The following NPAT variants were observed in gnomAD, a reference collection of about 807,000 sequenced individuals.
NPAT encodes nuclear protein, coactivator of histone transcription.
Under a neutral mutation model 130.7 loss-of-function variants are expected in NPAT, and 52 were observed. The observed-to-expected ratio is 0.40, with a 90% CI of 0.32 to 0.50. The LOEUF (loss-of-function observed/expected upper bound fraction) is 0.50. NPAT is among the 20% of genes least tolerant of loss of function. The pLI is 0.68. For synonymous variants in NPAT, 580 were observed against 584.8 expected, an observed-to-expected ratio of 0.99 and a Z score of 0.12; for missense variants, 1,687 against 1,662.6, an observed-to-expected ratio of 1.01 and a Z score of -0.26.
At chr11:108,191,681 A>T (rs1360840297) in intron 4 of NPAT, among the ~76,000 whole-genome samples, 2 of 152,242 alleles carry the variant, frequency 1.3e-5, no homozygotes, top group African/African-American at 4.8e-5. Context: ...AGATTTTCAT[A>T]AAATTGATAA....
chr11:108,218,514 C>A (rs1252221827), intron 1 of NPAT, among the ~76,000 whole-genome samples: 1 of 152,124 alleles, frequency 6.6e-6, no homozygotes, highest in Non-Finnish European at 1.5e-5. Context: ...CTTATGTTGT[C>A]TTATATTACT....
chr11:108,195,744 C>T (rs2078213500), intron 2 of NPAT, among the ~76,000 whole-genome samples: 2 of 152,168 alleles, frequency 1.3e-5, no homozygotes, highest in African/African-American at 4.8e-5. Flanking sequence ...CCTCCAGCCT[C>T]ATCCTCCCAA....
rs771364623 is a variant in NPAT at position 108,172,350 on chromosome 11, T to C, written c.2634A>G (p.Leu878=). The C allele has an allele frequency of 1.9e-6, 3 of 1,614,230 alleles. No homozygotes were observed. Among genetic ancestry groups the C allele is most frequent in the Admixed American group, 1.7e-5 (1 of 60,022 alleles). The change falls in exon 13 of 18, where the codon TTA becomes TTG. Residue 878 remains leucine, a synonymous_variant. Transcript: ENST00000278612. The stretch of plus-strand genomic sequence containing the variant: ...CATTAGACTGACTTACAGATGTTCC[T>C]AACGCTGTTGGATCAGTCACACAGG... ...IATCVTDPTA[L]GTSVSQSNVV... is the part of the protein sequence containing the mutation.
At chr11:108,183,390 C>T (rs982571362) in intron 10 of NPAT, among the ~76,000 whole-genome samples, 1 of 152,132 alleles carries the variant, frequency 6.6e-6, no homozygotes, top group African/African-American at 2.4e-5. Flanking sequence ...ACTCAGAATT[C>T]AATTGAAAGA....
Position 108,169,786 on chromosome 11 carries a change from T to A in NPAT, c.2968A>T (p.Lys990Ter), listed in dbSNP as rs2077932908. 1 of 1,613,890 alleles carries A rather than the reference T, an allele frequency of 6.2e-7. No homozygotes were observed. The highest frequency in any genetic ancestry group is 8.5e-7 in the Non-Finnish European group (1 of 1,179,884). Reference sequence around the variant, plus strand: ...CTTAGTCCCTGAGCCTTCTGAGATTTTGGAGGGACGGGGAATTGAGGGATA... The same window carrying A: ...CTTAGTCCCTGAGCCTTCTGAGATTATGGAGGGACGGGGAATTGAGGGATA... ...RSIPQFPVPP[K>*]SQKAQGLRNK... is the part of the protein sequence containing the mutation. The change falls in exon 15 of 18, where the codon AAA (lysine) becomes TAA (stop). Residue 990 changes from lysine to a stop codon, truncating the protein, a stop_gained. Transcript: ENST00000278612. LOFTEE classifies it high-confidence loss of function.
At chr11:108,205,775 GC>G (rs1334615528) in intron 1 of NPAT, among the ~76,000 whole-genome samples, 2 of 152,180 alleles carry the variant, frequency 1.3e-5, no homozygotes, top group African/African-American at 4.8e-5. Context: ...AGGTGCAGTG[GC>G]TCATGCCTGT....
At chr11:108,220,003 T>C (rs940458133) in intron 1 of NPAT, among the ~76,000 whole-genome samples, 2 of 152,200 alleles carry the variant, frequency 1.3e-5, no homozygotes, top group African/African-American at 2.4e-5. Flanking sequence ...GTAGAATACA[T>C]ACAAGAATTT....
At chr11:108,192,931 G>A (rs915982499) in intron 3 of NPAT, among the ~76,000 whole-genome samples, 3 of 151,708 alleles carry the variant, frequency 2.0e-5, no homozygotes, top group African/African-American at 4.8e-5. Flanking sequence ...TCCAGCCTGG[G>A]CAACAGAGCG....
chr11:108,163,144 A>C (rs1028271944), intron 15 of NPAT, among the ~76,000 whole-genome samples: 1 of 151,948 alleles, frequency 6.6e-6, no homozygotes, highest in Non-Finnish European at 1.5e-5. Flanking sequence ...CAATGGCATG[A>C]TCTTGGCTCA....
intron 12 of NPAT, among the ~76,000 whole-genome samples, chr11:108,174,722 C>T (rs2077988251): frequency 6.7e-6 from 1 of 150,182 alleles, no homozygotes; most frequent in African/African-American, 2.5e-5. Context: ...TCATGTGATT[C>T]TCCTGCCTCA....
At position 108,161,304 on chromosome 11, in the gene NPAT, T is replaced by A. The variant is rs1160728115; in HGVS notation, c.3782A>T (p.Asp1261Val). Residue 1261 changes from aspartate to valine, a missense_variant, in exon 17 of 18, where the codon GAT becomes GTT. Transcript: ENST00000278612. ...CCGGGGCACAGGTAAATCACTACTATCAGCAAGCCTACTTACTGAGCTGTG... is the reference window on the plus strand; with the variant it reads ...CCGGGGCACAGGTAAATCACTACTAACAGCAAGCCTACTTACTGAGCTGTG... Reference protein sequence around the residue: ...QRHSSVSRLADSSDLPVPRTP... With the variant: ...QRHSSVSRLAVSSDLPVPRTP... The A allele has an allele frequency of 6.2e-7, 1 of 1,614,204 alleles. No individual in the cohort carries two copies. Among genetic ancestry groups the A allele is most frequent in the Non-Finnish European group, 8.5e-7 (1 of 1,180,034 alleles).
chr11:108,219,969 A>T (rs565977064), intron 1 of NPAT, among the ~76,000 whole-genome samples: 1 of 152,366 alleles, frequency 6.6e-6, no homozygotes, highest in East Asian at 1.9e-4. Context: ...CTTGAATAGA[A>T]GTGTACTAGG....
intron 1 of NPAT, among the ~76,000 whole-genome samples, chr11:108,202,942 C>T (rs2078287989): frequency 6.6e-6 from 1 of 152,190 alleles, no homozygotes; most frequent in African/African-American, 2.4e-5. Flanking sequence ...TGATAATGGG[C>T]CTTACTTCAA....
At chr11:108,218,252 G>A (rs937012341) in intron 1 of NPAT, among the ~76,000 whole-genome samples, 1 of 151,952 alleles carries the variant, frequency 6.6e-6, no homozygotes, top group Non-Finnish European at 1.5e-5. Context: ...AAGTGGAGGT[G>A]GTAATGAGTA....
At chr11:108,187,514 A>G (rs1266152807) in intron 7 of NPAT, among the ~76,000 whole-genome samples, 5 of 152,208 alleles carry the variant, frequency 3.3e-5, no homozygotes, top group African/African-American at 1.2e-4. Context: ...AAAGGCTCCA[A>G]TAAAGGAGGC....
intron 1 of NPAT, among the ~76,000 whole-genome samples, chr11:108,221,666 G>C (rs963256957): frequency 6.6e-6 from 1 of 152,152 alleles, no homozygotes; most frequent in Non-Finnish European, 1.5e-5. Context: ...TTTACTTTTA[G>C]GGACGTCGCA....
rs543564227 is a variant in NPAT, at chr11:108,160,519, C to T, written c.4206+361G>A. 4.6e-5 allele frequency among the ~76,000 whole-genome samples: 7 copies of T among 152,172 alleles called. No individual in the cohort carries two copies. In the South Asian group the frequency reaches 8.3e-4, roughly 18 times the overall value. On this transcript the variant is annotated intron_variant, in intron 17 of 17. Coordinates refer to ENST00000278612, the MANE Select transcript of NPAT (RefSeq NM_002519.3). Reference sequence around the variant, plus strand: ...TTCCCAATCTTTCATGACTATGTCACGCTCATGAAAAAACTTGAGTTCTAC... The same window carrying T: ...TTCCCAATCTTTCATGACTATGTCATGCTCATGAAAAAACTTGAGTTCTAC...
chr11:108,163,842 C>A (rs2077876028), intron 15 of NPAT, among the ~76,000 whole-genome samples: 1 of 152,014 alleles, frequency 6.6e-6, no homozygotes, highest in African/African-American at 2.4e-5. Flanking sequence ...TCAGTAGATG[C>A]ATGAGAAAAG....
chr11:108,210,137 C>A, intron 1 of NPAT, among the ~76,000 whole-genome samples: 1 of 149,002 alleles, frequency 6.7e-6, no homozygotes, highest in South Asian at 2.1e-4. Context: ...GGGGATATTA[C>A]TATCAATATT....
Sources: gnomAD v4.1 joint callset for allele counts (sites outside exome capture counted in the v4.1 genomes callset) on GRCh38, gnomAD v4.1.1 for gene constraint, MANE v1.5 for transcripts, NCBI Gene and HGNC (gene_info 2026-07-23, HGNC 2026-07-21) for gene names.